SLC25A36: variants seen among roughly 807,000 people sequenced by gnomAD.
SLC25A36 encodes solute carrier family 25 member 36, also known as epididymis secretory sperm binding protein.
A neutral mutation model predicts 35.3 loss-of-function variants in SLC25A36; 24 were observed. The observed-to-expected ratio is 0.68, with a 90% CI of 0.49 to 0.96. The LOEUF (loss-of-function observed/expected upper bound fraction) is 0.96, where lower values mean the gene tolerates loss of function less well. Among genes scored for constraint, SLC25A36 ranks in the 40% least tolerant of loss-of-function variants. SLC25A36 has a pLI of 0.00. For missense variants in SLC25A36, 294 were observed against 381.1 expected (o/e 0.77, Z 1.90); for synonymous variants, 141 against 132.2 (o/e 1.07, Z -0.46).
At chr3:140,958,993 T>C (rs1281459196) in intron 2 of SLC25A36, among the ~76,000 whole-genome samples, 3 of 144,166 alleles carry the variant, frequency 2.1e-5, no homozygotes, top group African/African-American at 7.7e-5. Context: ...TGTGTGTGTG[T>C]GTGTGTGTGT....
chr3:140,970,438 A>T (rs1321108025), intron 4 of SLC25A36: 2 of 152,626 alleles, frequency 1.3e-5, no homozygotes, highest in Non-Finnish European at 2.9e-5. Flanking sequence ...CTTTTCCACT[A>T]TATAATCAAC....
At position 140,976,735 on chromosome 3, in the gene SLC25A36, G is replaced by A. The variant is rs1282491846; in HGVS notation, c.*282G>A. 4.0e-6 allele frequency: 1 copy of A among 253,074 alleles called. No homozygotes were observed. The highest frequency in any genetic ancestry group is 7.5e-6 in the Non-Finnish European group (1 of 133,244). 15.7% of individuals were successfully genotyped at this position (253,074 alleles called of 1,614,324 possible). Reference sequence around the variant, plus strand: ...TCTACCATGTCCCCCAGACACAGTTGGGTTTTGTTGATTTATGGCAGTCTT... The same window carrying A: ...TCTACCATGTCCCCCAGACACAGTTAGGTTTTGTTGATTTATGGCAGTCTT... On this transcript the variant is annotated 3_prime_UTR_variant, in exon 7 of 7. Transcript: ENST00000324194.
intron 3 of SLC25A36, among the ~76,000 whole-genome samples, chr3:140,961,735 A>G (rs113321041): frequency 0.026 from 3,967 of 151,834 alleles, 163 homozygotes; most frequent in African/African-American, 0.092. Context: ...GGTCGCCTGT[A>G]GTCCCAGCTG....
intron 6 of SLC25A36, among the ~76,000 whole-genome samples, chr3:140,975,110 T>TTTTTTTTTTTTTTTTTTTTTTTG (rs1935007251): frequency 9.9e-6 from 1 of 100,708 alleles, no homozygotes; most frequent in Non-Finnish European, 2.0e-5. Flanking sequence ...TTTTTTTTTT[T>TTTTTTTTTTTTTTTTTTTTTTTG]TTTTTTTTTT....
chr3:140,973,409 C>A (rs149743609), intron 5 of SLC25A36, among the ~76,000 whole-genome samples: 109 of 152,234 alleles, frequency 7.2e-4, no homozygotes, highest in African/African-American at 2.4e-3. Context: ...GAGCTGCAGT[C>A]AGGGTGTATA....
chr3:140,942,280 C>T (rs1934030373), intron 1 of SLC25A36, among the ~76,000 whole-genome samples, 185 bp downstream of exon 1: 1 of 147,160 alleles, frequency 6.8e-6, no homozygotes, highest in Non-Finnish European at 1.5e-5. Context: ...GAGGGGGGCT[C>T]CGGTTCGGGG....
chr3:140,975,127 T>TTTTTTTTTG, intron 6 of SLC25A36, among the ~76,000 whole-genome samples: 1 of 122,672 alleles, frequency 8.2e-6, no homozygotes, highest in Admixed American at 8.0e-5. Context: ...TTTTTTTTTT[T>TTTTTTTTTG]GATAGGATCT....
intron 1 of SLC25A36, among the ~76,000 whole-genome samples, chr3:140,953,480 A>G (rs559825694): frequency 9.2e-5 from 14 of 152,220 alleles, no homozygotes; most frequent in African/African-American, 3.4e-4. Context: ...TTATGATTGA[A>G]TGTTTCACAT....
At chr3:140,965,592 A>G (rs1934739272) in intron 4 of SLC25A36, 1 of 151,830 alleles carries the variant, frequency 6.6e-6, no homozygotes, top group African/African-American at 2.4e-5. Flanking sequence ...GATAATAAAA[A>G]TTTATTTTAT....
intron 3 of SLC25A36, 26 bp from the exon 4 acceptor site, chr3:140,963,101 T>C (rs368086023): frequency 9.3e-6 from 13 of 1,393,520 alleles, no homozygotes; most frequent in African/African-American, 1.5e-5. Flanking sequence ...AACATGCTTA[T>C]TGATAAATCT....
chr3:140,961,949 T>C (rs890016013), intron 3 of SLC25A36, among the ~76,000 whole-genome samples: 16 of 151,572 alleles, frequency 1.1e-4, no homozygotes, highest in African/African-American at 3.9e-4. Flanking sequence ...CCATCTTTTT[T>C]AAATACTTAC....
At chr3:140,945,082 C>T (rs1934126774) in intron 1 of SLC25A36, among the ~76,000 whole-genome samples, 1 of 152,096 alleles carries the variant, frequency 6.6e-6, no homozygotes, top group Non-Finnish European at 1.5e-5. Context: ...TTCTAACAGT[C>T]CTGAAGGCTG....
At chr3:140,954,660 C>T (rs1293757121) in intron 1 of SLC25A36, among the ~76,000 whole-genome samples, 4 of 152,108 alleles carry the variant, frequency 2.6e-5, no homozygotes, top group Non-Finnish European at 5.9e-5. Context: ...TGTTTATTTG[C>T]GTCTATGTAT....
intron 3 of SLC25A36, among the ~76,000 whole-genome samples, chr3:140,961,993 A>G (rs1934643182): frequency 6.6e-6 from 1 of 150,772 alleles, no homozygotes; most frequent in Non-Finnish European, 1.5e-5. Context: ...CACTGTTTTA[A>G]TATGATTTAT....
intron 6 of SLC25A36, 46 bp downstream of exon 6, chr3:140,974,051 C>T: frequency 7.8e-7 from 1 of 1,286,216 alleles, no homozygotes; most frequent in Non-Finnish European, 1.1e-6. Context: ...CCCACCCCAG[C>T]CAACAGCTCA....
intron 3 of SLC25A36, among the ~76,000 whole-genome samples, chr3:140,961,580 G>T (rs72991044): frequency 0.042 from 6,363 of 152,032 alleles, 428 homozygotes; most frequent in African/African-American, 0.15. Flanking sequence ...TATTGACCGG[G>T]CAGAGTGGCT....
Position 140,943,532 on chromosome 3 carries a change from T to C in SLC25A36, c.41+1437T>C, listed in dbSNP as rs1447161593. ...TCTTTTTAAAAAAATTCTGTAGCTATGTAGATGCTCTTGAAAAGATCTCAT... is the reference window on the plus strand; with the variant it reads ...TCTTTTTAAAAAAATTCTGTAGCTACGTAGATGCTCTTGAAAAGATCTCAT... On this transcript the variant is annotated intron_variant, in intron 1 of 6. Transcript: ENST00000324194. 1.1e-4 allele frequency among the ~76,000 whole-genome samples: 16 copies of C among 152,266 alleles called. 1 individual carries two copies. Among genetic ancestry groups the C allele is most frequent in the Admixed American group, 1.0e-3 (16 of 15,290 alleles).
rs549295611 is a variant in SLC25A36, at chr3:140,976,769, A to G, written c.*316A>G. On this transcript the variant is annotated 3_prime_UTR_variant, in exon 7 of 7. Transcript: ENST00000324194. Reference sequence around the variant, plus strand: ...TGATTTATGGCAGTCTTCTAAACAAAGCCATCCTTAATTTTACATACTGTA... The same window carrying G: ...TGATTTATGGCAGTCTTCTAAACAAGGCCATCCTTAATTTTACATACTGTA... 7.6e-4 allele frequency: 154 copies of G among 203,122 alleles called. 2 individuals carry two copies. Among genetic ancestry groups the G allele is most frequent in the South Asian group, 5.5e-3 (35 of 6,382 alleles). The allele number at this position is 203,122 out of a possible 1,614,324, so 12.6% of individuals were successfully genotyped here.
intron 1 of SLC25A36, chr3:140,942,463 G>A: frequency 5.5e-6 from 1 of 181,666 alleles, no homozygotes; most frequent in Non-Finnish European, 1.2e-5. Context: ...GTCGGCGCTT[G>A]ATTACCCGGA....
Sources: gnomAD v4.1 joint callset for allele counts (sites outside exome capture counted in the v4.1 genomes callset) on GRCh38, gnomAD v4.1.1 for gene constraint, MANE v1.5 for transcripts, NCBI Gene and HGNC (gene_info 2026-07-23, HGNC 2026-07-21) for gene names.